The following RAD54L2 variants were observed in gnomAD, a reference collection of about 807,000 sequenced individuals.
RAD54L2 encodes the protein RAD54 like 2.
RAD54L2 carries 27 observed loss-of-function variants against 138.4 expected under a neutral mutation model. The ratio of observed to expected loss-of-function variants is 0.20; its 90% confidence interval spans 0.14 to 0.27. RAD54L2 has a LOEUF of 0.27. RAD54L2 is among the 10% of genes least tolerant of loss of function. RAD54L2 has a pLI of 1.00. For synonymous variants in RAD54L2, 644 were observed against 723.2 expected, an observed-to-expected ratio of 0.89 and a Z score of 1.76; for missense variants, 1,396 against 1,890.2, an observed-to-expected ratio of 0.74 and a Z score of 4.85.
chr3:51,611,983 A>G (rs1020770905), intron 3 of RAD54L2, among the ~76,000 whole-genome samples: 3 of 152,184 alleles, frequency 2.0e-5, no homozygotes, highest in African/African-American at 7.2e-5. Context: ...ATGGCTACGT[A>G]TAAGATTGCT....
At chr3:51,661,208 C>T (rs1474441133) in intron 22 of RAD54L2, among the ~76,000 whole-genome samples, 1 of 151,718 alleles carries the variant, frequency 6.6e-6, no homozygotes, top group Non-Finnish European at 1.5e-5. Flanking sequence ...GTGATCCACT[C>T]ACCTCGGTCT....
At chr3:51,571,117 A>C (rs1387825898) in intron 2 of RAD54L2, among the ~76,000 whole-genome samples, 1 of 152,188 alleles carries the variant, frequency 6.6e-6, no homozygotes, top group African/African-American at 2.4e-5. Flanking sequence ...TGCTGCGCTC[A>C]GCCAGAAAAT....
intron 2 of RAD54L2, among the ~76,000 whole-genome samples, chr3:51,574,109 A>C (rs1014377879): frequency 1.2e-4 from 18 of 149,128 alleles, no homozygotes; most frequent in Admixed American, 1.2e-3. Context: ...GGTTTTCTGT[A>C]CTTGTGATAG....
chr3:51,660,272 G>A (rs956865798), intron 22 of RAD54L2, among the ~76,000 whole-genome samples, 154 bp downstream of exon 22: 3 of 151,286 alleles, frequency 2.0e-5, no homozygotes, highest in African/African-American at 7.3e-5. Context: ...AAGTATTTTT[G>A]TGTGGTTTTT....
rs559962533 is a variant in RAD54L2 at position 51,636,914 on chromosome 3, C to T, written c.1340-247C>T. On this transcript the variant is annotated intron_variant, in intron 10 of 22. Transcript: ENST00000684192. ...CGCCACTGCACTCCAGCCTGGACGA[C>T]AGTGTGAGACTCTGTCTCAAAAAAG... Among the ~76,000 whole-genome samples, 7 of 152,072 alleles carry T rather than the reference C, an allele frequency of 4.6e-5. No homozygotes were observed. The South Asian group carries it at 1.5e-3, about 32-fold the overall frequency.
Position 51,638,393 on chromosome 3 carries a change from C to A in RAD54L2, c.1860+72C>A. The stretch of plus-strand genomic sequence containing the variant: ...CATGGTCCCAAGGGAGTTACTCCTA[C>A]TGAGAGTCTTCAATAAAGGGAGAAT... On this transcript the variant is annotated intron_variant, in intron 12 of 22. Transcript: ENST00000684192. The surrounding 1 kb of genome is among the most constrained non-coding windows in gnomAD (Gnocchi z 4.3). The A allele has an allele frequency of 1.9e-6, 3 of 1,551,012 alleles. No individual in the cohort carries two copies. Among genetic ancestry groups the A allele is most frequent in the South Asian group, 1.2e-5 (1 of 86,906 alleles).
chr3:51,668,603 T>C lies in RAD54L2; in HGVS notation c.*5183T>C, dbSNP rs1309257586. On this transcript the variant is annotated 3_prime_UTR_variant, in exon 23 of 23. Coordinates refer to ENST00000684192, the MANE Select transcript of RAD54L2 (RefSeq NM_015106.4). Reference sequence around the variant, plus strand: ...AGCAAACAGAACAATTGTAAGTCAGTATAACTGCCTATCAGTTTTCTTTAT... The same window carrying C: ...AGCAAACAGAACAATTGTAAGTCAGCATAACTGCCTATCAGTTTTCTTTAT... 2.0e-5 allele frequency: 3 copies of C among 152,242 alleles called. No individual in the cohort carries two copies. Among genetic ancestry groups the C allele is most frequent in the African/African-American group, 7.2e-5 (3 of 41,456 alleles). The allele number at this position is 152,242 out of a possible 1,614,324, so 9.4% of individuals were successfully genotyped here. A position where few individuals can be genotyped will look rare whatever the true frequency, so the allele number is the denominator to read the frequency against.
Position 51,645,641 on chromosome 3 carries a change from G to C in RAD54L2, c.2707G>C (p.Val903Leu). Residue 903 changes from valine (V) to leucine (L), a missense_variant, in exon 18 of 23, where the codon GTG (valine) becomes CTG (leucine). By Grantham distance (32) the Val-to-Leu change is conservative. This residue lies in a region of RAD54L2 where 78 missense variants were observed against 171.6 expected (regional missense o/e 0.45). Transcript: ENST00000684192. The surrounding 1 kb of genome is among the most constrained non-coding windows in gnomAD (Gnocchi z 6.1). ...NPMLNFTRKE[V>L]ENLLHFVEKE... Reference sequence around the variant, plus strand: ...AATGCTGAACTTCACACGGAAAGAGGTGGAAAACCTACTGCACTTTGTTGA... The same window carrying C: ...AATGCTGAACTTCACACGGAAAGAGCTGGAAAACCTACTGCACTTTGTTGA... The C allele has an allele frequency of 1.2e-6, 2 of 1,612,662 alleles. No individual in the cohort carries two copies. The highest frequency in any genetic ancestry group is 1.7e-6 in the Non-Finnish European group (2 of 1,179,400).
chr3:51,572,263 A>G lies in RAD54L2; in HGVS notation c.-54-18104A>G, dbSNP rs923901166. ...CAGGAGTTCAAGACCAGCCTGGCCA[A>G]CATGGTGAAAGCGCCCCCGTTTCTA... On this transcript the variant is annotated intron_variant, in intron 2 of 22. Transcript: ENST00000684192. Among the ~76,000 whole-genome samples the G allele has an allele frequency of 7.2e-5, 11 of 152,288 alleles. No homozygotes were observed. In the East Asian group the frequency reaches 1.9e-3, roughly 27 times the overall value.
chr3:51,597,703 C>T (rs941014478), intron 3 of RAD54L2, among the ~76,000 whole-genome samples: 2 of 152,072 alleles, frequency 1.3e-5, no homozygotes, highest in African/African-American at 2.4e-5. Flanking sequence ...TGGCCCATGT[C>T]TGTAGTCTCA....
intron 2 of RAD54L2, among the ~76,000 whole-genome samples, chr3:51,562,094 G>A (rs1699112322): frequency 6.6e-6 from 1 of 151,736 alleles, no homozygotes. Context: ...GGAGTGCAGT[G>A]GTGTGATATT....
chr3:51,592,054 G>GTTTTTTTTTTTTTTTTTT (rs71084151), intron 3 of RAD54L2, among the ~76,000 whole-genome samples: 2 of 66,824 alleles, frequency 3.0e-5, no homozygotes, highest in East Asian at 5.8e-4. Context: ...TGGTTTTGGT[G>GTTTTTTTTTTTTTTTTTT]TTTTTTTTTT....
chr3:51,623,370 C>T (rs1577433053), intron 3 of RAD54L2, among the ~76,000 whole-genome samples: 1 of 152,178 alleles, frequency 6.6e-6, no homozygotes, highest in East Asian at 1.9e-4. Context: ...GACCAAGGCC[C>T]CCAAGCTTTG....
chr3:51,589,668 A>ATG lies in RAD54L2; in HGVS notation c.-54-698_-54-697insGT, dbSNP rs1366888021. Among the ~76,000 whole-genome samples, 40 of 79,904 alleles carry ATG rather than the reference A, an allele frequency of 5.0e-4. No homozygotes were observed. The East Asian group carries it at 0.014, about 27-fold the overall frequency. The allele number at this position is 79,904 out of a possible 152,430, so 52.4% of individuals were successfully genotyped here. A position where few individuals can be genotyped will look rare whatever the true frequency, so the allele number is the denominator to read the frequency against. On this transcript the variant is annotated intron_variant, in intron 2 of 22. Transcript: ENST00000684192. ...ATCGCAGGTTGGGGACTCTATACATATATATATATATATATACACACACAC... is the reference window on the plus strand; with the variant it reads ...ATCGCAGGTTGGGGACTCTATACATATGTATATATATATATATACACACACAC...
At chr3:51,614,003 T>G (rs187791828) in intron 3 of RAD54L2, among the ~76,000 whole-genome samples, 2 of 152,186 alleles carry the variant, frequency 1.3e-5, no homozygotes, top group African/African-American at 2.4e-5. Context: ...GAGGATAGCT[T>G]CTCCCACCAC....
Position 51,633,635 on chromosome 3 carries a change from C to T in RAD54L2, c.884C>T (p.Thr295Ile). 6.2e-7 allele frequency: 1 copy of T among 1,613,940 alleles called. No homozygotes were observed. Residue 295 changes from threonine to isoleucine, a missense_variant, in exon 8 of 23, where the codon ACC becomes ATC. Transcript: ENST00000684192. ...GTGGAGTCTCTGGAGAGGTTTAAGA[C>T]CAGCAGTGGCTTTGGCTGTATTCTG... ...NLVESLERFK[T>I]SSGFGCILAH...
At chr3:51,614,920 T>C (rs909907364) in intron 3 of RAD54L2, among the ~76,000 whole-genome samples, 4 of 146,990 alleles carry the variant, frequency 2.7e-5, no homozygotes, top group African/African-American at 9.9e-5. Flanking sequence ...TGATGAGGAA[T>C]TTTTTTTTTT....
intron 2 of RAD54L2, among the ~76,000 whole-genome samples, chr3:51,574,758 A>G (rs1699425794): frequency 6.6e-6 from 1 of 152,144 alleles, no homozygotes; most frequent in Non-Finnish European, 1.5e-5. Flanking sequence ...CCTTTGTCAG[A>G]TGGGTAGATT....
At chr3:51,557,670 A>G (rs1699004201) in intron 2 of RAD54L2, among the ~76,000 whole-genome samples, 1 of 151,732 alleles carries the variant, frequency 6.6e-6, no homozygotes, top group Admixed American at 6.6e-5. Flanking sequence ...TCTCTATTAA[A>G]TATACAAAAA....
Sources: gnomAD v4.1 joint callset for allele counts (sites outside exome capture counted in the v4.1 genomes callset) on GRCh38, gnomAD v4.1.1 for gene constraint, gnomAD v4.1.1 regional missense constraint, Gnocchi (gnomAD v3.1) non-coding constraint, MANE v1.5 for transcripts, NCBI Gene and HGNC (gene_info 2026-07-23, HGNC 2026-07-21) for gene names.